The following TCEA3 variants were observed in gnomAD, a reference collection of about 807,000 sequenced individuals.
TCEA3 encodes the protein transcription elongation factor A protein 3.
TCEA3 carries 36 observed loss-of-function variants against 44.0 expected under a neutral mutation model. The ratio of observed to expected loss-of-function variants is 0.82; its 90% CI spans 0.63 to 1.08. The LOEUF (loss-of-function observed/expected upper bound fraction) is 1.08. Ranked by LOEUF, TCEA3 falls within the 50% of genes least tolerant of loss-of-function variation. The pLI is 0.00. For synonymous variants in TCEA3, 162 were observed against 159.7 expected (o/e 1.01, Z -0.11); for missense variants, 392 against 441.2 (o/e 0.89, Z 1.00).
chr1:23,419,071 C>G lies in TCEA3; in HGVS notation c.132+6G>C. ...ACTGTCCCAAGGCTTCCCACCCCCG[C>G]CCCACCTGTAGTAGCTGGATGGACA... is the stretch of plus-strand genomic sequence containing the variant. On this transcript the variant is annotated splice_donor_region_variant and intron_variant, in intron 2 of 10. Coordinates refer to ENST00000450454, the MANE Select transcript of TCEA3 (RefSeq NM_003196.3). The G allele has an allele frequency of 1.3e-6, 2 of 1,560,284 alleles. 1 individual carries two copies. Among genetic ancestry groups the G allele is most frequent in the Middle Eastern group, 3.5e-4 (2 of 5,784 alleles).
At chr1:23,411,722 C>T (rs1639711249) in intron 4 of TCEA3, among the ~76,000 whole-genome samples, 1 of 152,078 alleles carries the variant, frequency 6.6e-6, no homozygotes, top group Admixed American at 6.5e-5. Context: ...GCTCCAGACA[C>T]CCCTCCCCTC....
At chr1:23,398,506 A>C (rs540766437) in intron 5 of TCEA3, among the ~76,000 whole-genome samples, 40 of 152,370 alleles carry the variant, frequency 2.6e-4, no homozygotes, top group South Asian at 4.1e-4. Context: ...AGGGGCTTAC[A>C]GTCTAGTGAA....
In TCEA3 at chr1:23,397,578, T is replaced by C. The variant is rs1639254442; in HGVS notation, c.631A>G (p.Asn211Asp). ...ATTTCTGATGCCATCTTGTCACAGTTGACTCCATAGTCCTTGTAATCATCT... is the reference window on the plus strand; with the variant it reads ...ATTTCTGATGCCATCTTGTCACAGTCGACTCCATAGTCCTTGTAATCATCT... ...ADDDYKDYGVNCDKMASEIED... is the reference protein window; with the variant it reads ...ADDDYKDYGVDCDKMASEIED... The change falls in exon 7 of 11, where the codon AAC becomes GAC. Residue 211 changes from asparagine to aspartate, a missense_variant. Asn to Asp is a conservative substitution (Grantham distance 23). Transcript: ENST00000450454. 6.2e-7 allele frequency: 1 copy of C among 1,613,780 alleles called. No homozygotes were observed. The highest frequency in any genetic ancestry group is 8.5e-7 in the Non-Finnish European group (1 of 1,179,884).
chr1:23,418,845 C>T (rs1639971118), intron 2 of TCEA3, among the ~76,000 whole-genome samples: 1 of 152,038 alleles, frequency 6.6e-6, no homozygotes, highest in Non-Finnish European at 1.5e-5. Flanking sequence ...GCGAACCAGT[C>T]TTGCTCCAAG....
intron 1 of TCEA3, among the ~76,000 whole-genome samples, chr1:23,424,273 C>T: frequency 6.6e-6 from 1 of 152,000 alleles, no homozygotes; most frequent in Non-Finnish European, 1.5e-5. Context: ...TTTCCTGGGC[C>T]CTGCACTAGC....
chr1:23,405,424 G>A (rs961783103), intron 5 of TCEA3, among the ~76,000 whole-genome samples: 4 of 151,928 alleles, frequency 2.6e-5, no homozygotes, highest in South Asian at 2.1e-4. Context: ...GTAAAACCCC[G>A]TCTCTACTAA....
intron 10 of TCEA3, chr1:23,383,506 G>A: frequency 2.2e-6 from 2 of 928,430 alleles, no homozygotes; most frequent in Non-Finnish European, 2.6e-6. Flanking sequence ...TCAAACCTGG[G>A]AGAAAGGCAT....
At chr1:23,389,839 C>G (rs1020981592) in intron 8 of TCEA3, among the ~76,000 whole-genome samples, 1 of 152,114 alleles carries the variant, frequency 6.6e-6, no homozygotes, top group Non-Finnish European at 1.5e-5. Flanking sequence ...TGTGATATAA[C>G]TGAACGCAGA....
chr1:23,423,509 C>T (rs1209450632), intron 1 of TCEA3, among the ~76,000 whole-genome samples: 1 of 152,222 alleles, frequency 6.6e-6, no homozygotes, highest in Non-Finnish European at 1.5e-5. Context: ...TTCCCTGGGC[C>T]TTGGCTACTC....
intron 5 of TCEA3, among the ~76,000 whole-genome samples, chr1:23,399,481 T>C (rs546386869): frequency 7.2e-5 from 11 of 152,090 alleles, no homozygotes; most frequent in African/African-American, 2.4e-4. Context: ...CCAAATACAG[T>C]CACAATGGGG....
At chr1:23,418,858 C>G (rs1038795478) in intron 2 of TCEA3, among the ~76,000 whole-genome samples, 2 of 151,968 alleles carry the variant, frequency 1.3e-5, no homozygotes, top group African/African-American at 4.8e-5. Context: ...GCTCCAAGGC[C>G]CAGAGGTCCC....
chr1:23,406,643 G>GTTT (rs1558054444), intron 5 of TCEA3, among the ~76,000 whole-genome samples: 11 of 151,746 alleles, frequency 7.2e-5, no homozygotes, highest in African/African-American at 2.2e-4. Context: ...TTGTTTTGTT[G>GTTT]TGTTGTGTTT....
intron 5 of TCEA3, chr1:23,404,184 T>TG (rs1639477535): frequency 1.4e-6 from 1 of 702,186 alleles, no homozygotes; most frequent in Non-Finnish European, 2.6e-6. Flanking sequence ...ATCATTCTGA[T>TG]AGCCAGGTAA....
At chr1:23,421,273 T>C (rs946268) in intron 1 of TCEA3, among the ~76,000 whole-genome samples, 132,702 of 152,252 alleles carry the variant, frequency 0.87, 57,913 homozygotes, top group Middle Eastern at 0.93. Flanking sequence ...ATTATTATCC[T>C]GTGTTCACCA....
intron 4 of TCEA3, among the ~76,000 whole-genome samples, chr1:23,411,853 T>C (rs1348586421): frequency 1.3e-5 from 2 of 152,260 alleles, no homozygotes; most frequent in Non-Finnish European, 1.5e-5. Flanking sequence ...TTCTTGTTTT[T>C]CTTTCAATGC....
chr1:23,390,239 C>T (rs1325683599), intron 8 of TCEA3, among the ~76,000 whole-genome samples: 8 of 152,210 alleles, frequency 5.3e-5, no homozygotes, highest in Non-Finnish European at 8.8e-5. Context: ...GAAGCCGAGG[C>T]GGGCAGATCA....
At chr1:23,409,281 G>A (rs1485843499) in intron 4 of TCEA3, among the ~76,000 whole-genome samples, 1 of 152,166 alleles carries the variant, frequency 6.6e-6, no homozygotes, top group Admixed American at 6.5e-5. Flanking sequence ...GAAAACCAAT[G>A]CATAGGAGGA....
At chr1:23,387,211 T>C in intron 9 of TCEA3, 62 bp downstream of exon 9, 1 of 1,577,482 alleles carries the variant, frequency 6.3e-7, no homozygotes, top group South Asian at 1.2e-5. Flanking sequence ...TTCTCTCTGA[T>C]TTTCCACCTC....
chr1:23,401,771 C>T (rs1296096050), intron 5 of TCEA3, among the ~76,000 whole-genome samples: 1 of 152,114 alleles, frequency 6.6e-6, no homozygotes, highest in African/African-American at 2.4e-5. Context: ...GTTCCCACCC[C>T]CTGGGGCCAC....
Sources: gnomAD v4.1 joint callset for allele counts (sites outside exome capture counted in the v4.1 genomes callset) on GRCh38, gnomAD v4.1.1 for gene constraint, MANE v1.5 for transcripts, NCBI Gene and HGNC (gene_info 2026-07-23, HGNC 2026-07-21) for gene names.